Variants in KCTD1 observed in about 807,000 individuals in gnomAD.
The protein encoded by KCTD1 is BTB/POZ domain-containing protein KCTD1.
In KCTD1, 24 loss-of-function variants were observed where a neutral mutation model predicts 66.0. That is an observed-to-expected ratio of 0.36 (90% CI 0.26 to 0.51). The LOEUF is 0.51. Among genes scored for constraint, KCTD1 ranks in the 20% least tolerant of loss-of-function variants. KCTD1 has a pLI of 0.95. For missense variants in KCTD1, 943 were observed against 1,205.2 expected, an observed-to-expected ratio of 0.78 and a Z score of 3.22; for synonymous variants, 511 against 517.2, an observed-to-expected ratio of 0.99 and a Z score of 0.16.
intron 1 of KCTD1, among the ~76,000 whole-genome samples, chr18:26,501,726 T>G (rs1397134070): frequency 6.6e-6 from 1 of 152,254 alleles, no homozygotes; most frequent in African/African-American, 2.4e-5. Flanking sequence ...ACAAAATGTT[T>G]TCTTAAACTT....
intron 1 of KCTD1, among the ~76,000 whole-genome samples, chr18:26,636,350 AACATC>A (rs1331907404): frequency 2.6e-5 from 4 of 152,212 alleles, no homozygotes; most frequent in African/African-American, 9.6e-5. Context: ...TTCCCTTAGG[AACATC>A]ACAGCTAGTA....
intron 1 of KCTD1, chr18:26,599,715 A>T: frequency 1.9e-6 from 3 of 1,545,224 alleles, no homozygotes; most frequent in Non-Finnish European, 2.7e-6. Context: ...ACAGCTGTAG[A>T]TAACAATAGC....
intron 1 of KCTD1, among the ~76,000 whole-genome samples, chr18:26,546,471 C>T (rs1366735678): frequency 1.3e-5 from 2 of 152,134 alleles, no homozygotes; most frequent in Non-Finnish European, 2.9e-5. Flanking sequence ...TTTTGTTCGG[C>T]GAACTTTGAA....
chr18:26,481,608 A>G (rs140348173), intron 2 of KCTD1, among the ~76,000 whole-genome samples: 92 of 152,310 alleles, frequency 6.0e-4, no homozygotes, highest in Admixed American at 1.3e-3. Context: ...TAAGTAAAAG[A>G]GCACATTTAG....
chr18:26,593,929 A>C (rs1986707643), intron 1 of KCTD1, among the ~76,000 whole-genome samples: 1 of 152,020 alleles, frequency 6.6e-6, no homozygotes, highest in Non-Finnish European at 1.5e-5. Context: ...GAAGATGAGG[A>C]GGAGAAAGAA....
At chr18:26,490,019 T>C (rs1220174174) in intron 2 of KCTD1, among the ~76,000 whole-genome samples, 1 of 152,176 alleles carries the variant, frequency 6.6e-6, no homozygotes, top group African/African-American at 2.4e-5. Flanking sequence ...CCTGGGGTGT[T>C]GCTCAATGAT....
At chr18:26,487,548 CAT>C (rs1312443667) in intron 2 of KCTD1, among the ~76,000 whole-genome samples, 1 of 152,148 alleles carries the variant, frequency 6.6e-6, no homozygotes, top group Non-Finnish European at 1.5e-5. Flanking sequence ...ATCAAAATGA[CAT>C]GTGAAAAATA....
At chr18:26,627,594 T>C (rs1440627602) in intron 1 of KCTD1, among the ~76,000 whole-genome samples, 2 of 152,226 alleles carry the variant, frequency 1.3e-5, no homozygotes, top group African/African-American at 2.4e-5. Flanking sequence ...TCTAAGGAAA[T>C]GCTCTGTTGT....
At chr18:26,537,235 CAAT>C (rs1237119596) in intron 1 of KCTD1, among the ~76,000 whole-genome samples, 2 of 151,932 alleles carry the variant, frequency 1.3e-5, no homozygotes, top group Non-Finnish European at 1.5e-5. Context: ...AAAACAACAA[CAAT>C]ATTTGTTTAA....
intron 1 of KCTD1, chr18:26,544,541 T>C (rs1405743347): frequency 6.6e-6 from 1 of 152,192 alleles, no homozygotes; most frequent in African/African-American, 2.4e-5. Context: ...AGAGCCTATG[T>C]TTATGATTAA....
At chr18:26,550,986 G>C (rs1203657846), upstream of KCTD1, among the ~76,000 whole-genome samples, 1 of 152,184 alleles carries the variant, frequency 6.6e-6, no homozygotes, top group African/African-American at 2.4e-5. The surrounding 1 kb of genome is among the most constrained non-coding windows in gnomAD (Gnocchi z 5.4). Context: ...GCTGGCTCCG[G>C]GCTGCGCTCC....
At chr18:26,618,415 G>C (rs1349883809) in intron 1 of KCTD1, among the ~76,000 whole-genome samples, 2 of 152,198 alleles carry the variant, frequency 1.3e-5, no homozygotes, top group Non-Finnish European at 2.9e-5. Context: ...CTTTGCTTCA[G>C]GAACTAGGTG....
chr18:26,502,081 G>A (rs1435167332), intron 1 of KCTD1, among the ~76,000 whole-genome samples: 5 of 152,094 alleles, frequency 3.3e-5, no homozygotes, highest in Non-Finnish European at 4.4e-5. Context: ...ATGGAGTCTC[G>A]CTCTGTCGCC....
chr18:26,636,383 C>G lies in KCTD1; in HGVS notation c.-107+3928G>C, dbSNP rs369790250. On this transcript the variant is annotated intron_variant, in intron 1 of 5. Transcript: ENST00000579973. ...AGCTAGTATTGCCCTTCGACCTGAG[C>G]AAGCTGGGACCCTGTGCCTCTCAGG... is the stretch of plus-strand genomic sequence containing the variant. 1.8e-4 allele frequency among the ~76,000 whole-genome samples: 28 copies of G among 152,240 alleles called. No homozygotes were observed. The East Asian group carries it at 3.3e-3, about 18-fold the overall frequency.
intron 1 of KCTD1, among the ~76,000 whole-genome samples, chr18:26,650,826 T>C (rs926551142): frequency 1.3e-5 from 2 of 152,280 alleles, no homozygotes; most frequent in African/African-American, 2.4e-5. Context: ...TAGCAGTAGA[T>C]GCTTTGGAAA....
At chr18:26,540,874 G>C (rs1372068693) in intron 1 of KCTD1, among the ~76,000 whole-genome samples, 1 of 152,184 alleles carries the variant, frequency 6.6e-6, no homozygotes, top group Non-Finnish European at 1.5e-5. Flanking sequence ...GACTGCAGGG[G>C]GTTGGTGTCC....
chr18:26,555,480 T>G (rs1434682545), intron 1 of KCTD1, among the ~76,000 whole-genome samples: 1 of 152,230 alleles, frequency 6.6e-6, no homozygotes, highest in African/African-American at 2.4e-5. Flanking sequence ...ATGCAATTAT[T>G]AGGCAACGTC....
In KCTD1 at chr18:26,547,394, C is replaced by T. The variant is rs1567988914; in HGVS notation, c.1143G>A (p.Thr381=). The change falls in exon 1 of 5, where the codon ACG becomes ACA. Residue 381 remains threonine (T), a synonymous_variant. Transcript: ENST00000580059. ...DEENLPRMYE[T]GTEFCPYASF... ...TGGCGTAGGGGCAGAACTCGGTGCC[C>T]GTCTCATACATGCGGGGCAAGTTCT... 6.4e-7 allele frequency: 1 copy of T among 1,551,322 alleles called. No individual in the cohort carries two copies. The highest frequency in any genetic ancestry group is 8.7e-7 in the Non-Finnish European group (1 of 1,146,752).
intron 1 of KCTD1, among the ~76,000 whole-genome samples, chr18:26,563,267 TC>T (rs893050654): frequency 1.3e-5 from 2 of 152,176 alleles, no homozygotes; most frequent in Admixed American, 1.3e-4. Context: ...TAGTCTCTGA[TC>T]CCTGGTCCTT....
Sources: allele counts gnomAD v4.1 joint callset (sites outside exome capture counted in the v4.1 genomes callset), GRCh38; gene constraint gnomAD v4.1.1; non-coding constraint Gnocchi (gnomAD v3.1); transcripts MANE v1.5; gene names NCBI Gene and HGNC (gene_info 2026-07-23, HGNC 2026-07-21).